Variants in ATG7 observed in about 807,000 individuals in gnomAD.
The protein encoded by ATG7 is ubiquitin-like modifier-activating enzyme ATG7.
Under a neutral mutation model 82.4 loss-of-function variants are expected in ATG7, and 70 were observed. The ratio of observed to expected loss-of-function variants is 0.85; its 90% confidence interval spans 0.70 to 1.04. The LOEUF (loss-of-function observed/expected upper bound fraction) is 1.04. Ranked by LOEUF, ATG7 falls within the 50% of genes least tolerant of loss-of-function variation. ATG7 has a pLI of 0.00. For synonymous variants in ATG7, 287 were observed against 313.0 expected (o/e 0.92, Z 0.88); for missense variants, 792 against 864.3 (o/e 0.92, Z 1.05).
the ATG7 span, chr3:11,564,994 G>C: frequency 6.6e-7 from 1 of 1,513,370 alleles, no homozygotes; most frequent in Non-Finnish European, 8.8e-7. Flanking sequence ...GGGTCTCTGC[G>C]GCAGTCTCCA....
intron 20 of ATG7, among the ~76,000 whole-genome samples, chr3:11,475,907 A>ACACACCCC (rs766157655): frequency 6.8e-6 from 1 of 146,252 alleles, no homozygotes; most frequent in African/African-American, 2.6e-5. Context: ...ACACACACAC[A>ACACACCCC]CCCCCTCCCA....
At chr3:11,552,185 T>C (rs1421246943) in intron 20 of ATG7, among the ~76,000 whole-genome samples, 16 of 152,258 alleles carry the variant, frequency 1.1e-4, no homozygotes, top group Admixed American at 1.0e-3. Flanking sequence ...ACTTATTTTA[T>C]TGGGGTTTCC....
intron 20 of ATG7, among the ~76,000 whole-genome samples, chr3:11,445,373 TAAA>T (rs2084440850): frequency 6.6e-6 from 1 of 152,232 alleles, no homozygotes; most frequent in South Asian, 2.1e-4. Context: ...TATGCAGCCA[TAAA>T]AAAGAAGATC....
chr3:11,491,329 C>A (rs1303999363), intron 20 of ATG7, among the ~76,000 whole-genome samples: 2 of 152,136 alleles, frequency 1.3e-5, no homozygotes, highest in African/African-American at 4.8e-5. Flanking sequence ...CCATCAGCTC[C>A]TTTAAGCACT....
At chr3:11,421,722 A>G (rs2081957177) in intron 19 of ATG7, among the ~76,000 whole-genome samples, 1 of 152,174 alleles carries the variant, frequency 6.6e-6, no homozygotes, top group African/African-American at 2.4e-5. Flanking sequence ...ATTTGCTTTG[A>G]TCAGATCCAT....
chr3:11,573,921 G>C, the ATG7 span, among the ~76,000 whole-genome samples: 1 of 152,154 alleles, frequency 6.6e-6, no homozygotes, highest in African/African-American at 2.4e-5. Flanking sequence ...TGTCCTATTA[G>C]AAAACACTGG....
Position 11,554,849 on chromosome 3 carries a change from C to T in ATG7, c.*6C>T. The T allele has an allele frequency of 6.2e-7, 1 of 1,612,548 alleles. No homozygotes were observed. Among genetic ancestry groups the T allele is most frequent in the Non-Finnish European group, 8.5e-7 (1 of 1,179,574 alleles). On this transcript the variant is annotated 3_prime_UTR_variant, in exon 21 of 21. Transcript: ENST00000693202. Reference sequence around the variant, plus strand: ...GCGATGATGAGACCATCTGAGATGGCCCCGCTGTGGGGCTGACTTCTCCCC... The same window carrying T: ...GCGATGATGAGACCATCTGAGATGGTCCCGCTGTGGGGCTGACTTCTCCCC...
chr3:11,500,383 C>G (rs1011602241), intron 20 of ATG7, among the ~76,000 whole-genome samples: 1 of 151,798 alleles, frequency 6.6e-6, no homozygotes. Context: ...AGTAGGACAC[C>G]AAGAAAACCA....
chr3:11,360,507 CA>C, intron 15 of ATG7, 73 bp from the exon 16 acceptor site: 1 of 1,439,642 alleles, frequency 6.9e-7, no homozygotes, highest in Non-Finnish European at 9.4e-7. Flanking sequence ...AAAAGTTGAG[CA>C]AATATGGAAT....
intron 20 of ATG7, among the ~76,000 whole-genome samples, chr3:11,467,078 C>T (rs2086903263): frequency 6.6e-6 from 1 of 152,080 alleles, no homozygotes. Flanking sequence ...GAGCTGACAT[C>T]ATGCCATTGC....
chr3:11,348,785 G>A (rs141562685), intron 14 of ATG7: 1 of 152,370 alleles, frequency 6.6e-6, no homozygotes, highest in Non-Finnish European at 1.5e-5. Context: ...GTGCTGATTG[G>A]TCAGTTTTAC....
chr3:11,353,637 G>A (rs77017001), intron 14 of ATG7, among the ~76,000 whole-genome samples: 5,305 of 152,152 alleles, frequency 0.035, 100 homozygotes, highest in African/African-American at 0.04. Flanking sequence ...ACATTAATGA[G>A]TGAGTTCTCG....
chr3:11,334,953 CAAAAAAAAAAA>C, intron 11 of ATG7, among the ~76,000 whole-genome samples: 1 of 119,618 alleles, frequency 8.4e-6, no homozygotes, highest in East Asian at 2.4e-4. Context: ...GACTCTGTCT[CAAAAAAAAAAA>C]AAAAAAAAAA....
chr3:11,306,092 T>C (rs962516764), intron 5 of ATG7, among the ~76,000 whole-genome samples: 5 of 152,226 alleles, frequency 3.3e-5, no homozygotes, highest in African/African-American at 1.2e-4. Context: ...TCCTCTTCTC[T>C]TCTCCTGACT....
chr3:11,458,802 T>C (rs1160505123), intron 20 of ATG7, among the ~76,000 whole-genome samples: 1 of 152,222 alleles, frequency 6.6e-6, no homozygotes, highest in African/African-American at 2.4e-5. Context: ...GGACCAGTAC[T>C]GGTCCGAGGC....
At chr3:11,301,565 A>T (rs1946797364) in intron 5 of ATG7, among the ~76,000 whole-genome samples, 2 of 152,160 alleles carry the variant, frequency 1.3e-5, no homozygotes, top group African/African-American at 2.4e-5. Flanking sequence ...TTAAAAATGT[A>T]TGTGTTGGTG....
intron 19 of ATG7, among the ~76,000 whole-genome samples, chr3:11,411,727 A>G (rs1158019579): frequency 6.8e-6 from 1 of 147,828 alleles, no homozygotes; most frequent in African/African-American, 2.5e-5. Context: ...TTGTCCATCT[A>G]TGAAATTCAG....
intron 19 of ATG7, among the ~76,000 whole-genome samples, chr3:11,399,457 TTA>T (rs1424909915): frequency 6.6e-6 from 1 of 152,108 alleles, no homozygotes; most frequent in Non-Finnish European, 1.5e-5. Context: ...AGGTGAAAAA[TTA>T]TGAGGAAAAG....
intron 20 of ATG7, among the ~76,000 whole-genome samples, chr3:11,430,413 G>C (rs961537626): frequency 3.9e-5 from 6 of 152,156 alleles, no homozygotes; most frequent in Admixed American, 3.9e-4. Flanking sequence ...CAGGTGGTCA[G>C]TAATAAAAAC....
Sources: allele counts gnomAD v4.1 joint callset (sites outside exome capture counted in the v4.1 genomes callset), GRCh38; gene constraint gnomAD v4.1.1; transcripts MANE v1.5; gene names NCBI Gene and HGNC (gene_info 2026-07-23, HGNC 2026-07-21).